Variants in CEP112 observed in about 807,000 individuals in gnomAD.
CEP112 encodes centrosomal protein of 112 kDa.
CEP112 carries 127 observed loss-of-function variants against 153.0 expected under a neutral mutation model. The observed-to-expected ratio is 0.83, with a 90% CI of 0.72 to 0.96. CEP112 has a LOEUF of 0.96. Ranked by LOEUF, CEP112 falls within the 40% of genes least tolerant of loss-of-function variation. CEP112 has a pLI of 0.00. For synonymous variants in CEP112, 358 were observed against 374.4 expected, an observed-to-expected ratio of 0.96 and a Z score of 0.51; for missense variants, 1,089 against 1,101.2, an observed-to-expected ratio of 0.99 and a Z score of 0.16.
chr17:66,148,051 G>A (rs1016485283), intron 4 of CEP112, among the ~76,000 whole-genome samples: 2 of 152,142 alleles, frequency 1.3e-5, no homozygotes, highest in African/African-American at 4.8e-5. Flanking sequence ...TGCTGATAAA[G>A]ACATACCCAG....
chr17:65,709,870 C>T (rs2049089556), intron 23 of CEP112, among the ~76,000 whole-genome samples: 1 of 152,188 alleles, frequency 6.6e-6, no homozygotes, highest in Non-Finnish European at 1.5e-5. Context: ...TACATTGCTA[C>T]CAATGATCTT....
intron 4 of CEP112, among the ~76,000 whole-genome samples, chr17:66,140,287 T>C (rs913285088): frequency 1.3e-5 from 2 of 152,094 alleles, no homozygotes; most frequent in African/African-American, 2.4e-5. Context: ...AATAATAAAA[T>C]GCATATATGA....
At chr17:66,141,860 T>A (rs965653940) in intron 4 of CEP112, among the ~76,000 whole-genome samples, 1 of 152,162 alleles carries the variant, frequency 6.6e-6, no homozygotes, top group Non-Finnish European at 1.5e-5. Flanking sequence ...ACAGACAGCT[T>A]TTTGAGATCC....
chr17:65,647,252 C>T (rs73351230), intron 24 of CEP112, among the ~76,000 whole-genome samples: 21,178 of 148,722 alleles, frequency 0.14, 1,901 homozygotes, highest in East Asian at 0.49. Flanking sequence ...CGGCTCAGCG[C>T]AACCTCCGCC....
chr17:65,762,002 C>A (rs2052643830), intron 21 of CEP112, among the ~76,000 whole-genome samples: 1 of 152,100 alleles, frequency 6.6e-6, no homozygotes, highest in African/African-American at 2.4e-5. Context: ...AAGTCTACAA[C>A]TATAATAGTA....
intron 20 of CEP112, among the ~76,000 whole-genome samples, chr17:65,898,769 C>T (rs2059744729): frequency 6.6e-6 from 1 of 152,030 alleles, no homozygotes; most frequent in African/African-American, 2.4e-5. Context: ...GCTGGTTACC[C>T]TAGGTGCCTA....
At chr17:65,686,809 ATGTC>A (rs2047816937) in intron 24 of CEP112, among the ~76,000 whole-genome samples, 1 of 151,864 alleles carries the variant, frequency 6.6e-6, no homozygotes, top group Non-Finnish European at 1.5e-5. Flanking sequence ...CAGGAATACA[ATGTC>A]TGTTTGCCTG....
At chr17:66,043,916 T>C (rs1409795995) in intron 12 of CEP112, among the ~76,000 whole-genome samples, 2 of 152,146 alleles carry the variant, frequency 1.3e-5, no homozygotes, top group African/African-American at 2.4e-5. Flanking sequence ...CCGTCTTTCA[T>C]CTTAAGCCAG....
At chr17:65,694,540 G>C (rs1450333842) in intron 23 of CEP112, among the ~76,000 whole-genome samples, 1 of 152,176 alleles carries the variant, frequency 6.6e-6, no homozygotes, top group African/African-American at 2.4e-5. Context: ...AGAGAAAGCA[G>C]TTGTATTTAG....
intron 12 of CEP112, among the ~76,000 whole-genome samples, chr17:66,035,754 G>T (rs2065711723): frequency 6.6e-6 from 1 of 152,230 alleles, no homozygotes; most frequent in Non-Finnish European, 1.5e-5. Context: ...TGGATGGACA[G>T]AACAGCATCT....
intron 21 of CEP112, among the ~76,000 whole-genome samples, chr17:65,800,444 T>C (rs1252664253): frequency 1.3e-5 from 2 of 152,226 alleles, no homozygotes; most frequent in Non-Finnish European, 2.9e-5. Context: ...CAGGAACTCA[T>C]TACTTTTTAC....
chr17:65,794,265 G>A lies in CEP112; in HGVS notation c.2395-43541C>T, dbSNP rs149257564. Among the ~76,000 whole-genome samples the A allele has an allele frequency of 2.5e-4, 38 of 152,082 alleles. No individual in the cohort carries two copies. The East Asian group carries it at 5.8e-3, about 23-fold the overall frequency. On this transcript the variant is annotated intron_variant, in intron 21 of 26. Transcript: ENST00000535342. ...ACGCATCCCCATGACAAAATATTTC[G>A]CAAACCATAGAAAAAGGATAAATAT...
intron 21 of CEP112, among the ~76,000 whole-genome samples, chr17:65,825,578 G>A (rs1029683644): frequency 1.3e-5 from 2 of 152,068 alleles, no homozygotes; most frequent in Non-Finnish European, 2.9e-5. Flanking sequence ...CACAGGTTTA[G>A]TTTTACAAAA....
At chr17:65,998,238 C>T (rs1256281133) in intron 17 of CEP112, among the ~76,000 whole-genome samples, 1 of 151,756 alleles carries the variant, frequency 6.6e-6, no homozygotes, top group Non-Finnish European at 1.5e-5. Flanking sequence ...AAAAAATTAG[C>T]TGAGCATGGT....
intron 21 of CEP112, among the ~76,000 whole-genome samples, chr17:65,758,647 T>C (rs2052426559): frequency 6.6e-6 from 1 of 152,210 alleles, no homozygotes; most frequent in Non-Finnish European, 1.5e-5. Flanking sequence ...GATCTTACTA[T>C]GATAGCTTTA....
At position 65,697,773 on chromosome 17, in the gene CEP112, C is replaced by G. The variant is rs149554552; in HGVS notation, c.2608-8555G>C. On this transcript the variant is annotated intron_variant, in intron 23 of 26. Coordinates refer to ENST00000535342, the MANE Select transcript of CEP112 (RefSeq NM_001199165.4). ...TAACTAGTCTTCTTCAACTGAAATG[C>G]CACTCAAGATTTCTTTTAAAGCGAT... Among the ~76,000 whole-genome samples, 69 of 152,202 alleles carry G rather than the reference C, an allele frequency of 4.5e-4. 1 individual carries two copies. The East Asian group carries it at 0.012, about 27-fold the overall frequency.
rs1343687503 is a variant in CEP112 at position 65,993,349 on chromosome 17, CA to C, written c.1736+12340del. On this transcript the variant is annotated intron_variant, in intron 17 of 26. Transcript: ENST00000535342. ...CTTTATCCAGTCTATCATTGATGAACATTTGGGTTGATTCCATGTCTTTGCT... is the reference window on the plus strand; with the variant it reads ...CTTTATCCAGTCTATCATTGATGAACTTTGGGTTGATTCCATGTCTTTGCT... Among the ~76,000 whole-genome samples the C allele has an allele frequency of 8.5e-5, 13 of 152,240 alleles. No homozygotes were observed. The East Asian group carries it at 2.5e-3, about 29-fold the overall frequency.
intron 11 of CEP112, among the ~76,000 whole-genome samples, chr17:66,058,874 A>T (rs2066812615): frequency 6.6e-6 from 1 of 152,048 alleles, no homozygotes; most frequent in Non-Finnish European, 1.5e-5. Flanking sequence ...AAACAAAAGA[A>T]CAAGGCCAGT....
Position 66,183,327 on chromosome 17 carries a change from A to G in CEP112, c.-8-20T>C. On this transcript the variant is annotated intron_variant, in intron 1 of 26. Transcript: ENST00000535342. ...TCCAATCTGTAAAAGATTTTAAATC[A>G]AAATATTAAGGATTTGTATGCTGAA... The G allele has an allele frequency of 1.3e-6, 2 of 1,516,102 alleles. No individual in the cohort carries two copies. The highest frequency in any genetic ancestry group is 1.8e-6 in the Non-Finnish European group (2 of 1,101,818). The allele number at this position is 1,516,102 out of a possible 1,614,324, so 93.9% of individuals were successfully genotyped here. A position where few individuals can be genotyped will look rare whatever the true frequency, so the allele number is the denominator to read the frequency against.
Sources: allele counts gnomAD v4.1 joint callset (sites outside exome capture counted in the v4.1 genomes callset), GRCh38; gene constraint gnomAD v4.1.1; transcripts MANE v1.5; gene names NCBI Gene and HGNC (gene_info 2026-07-23, HGNC 2026-07-21).